Variants in PREX1 observed in about 807,000 individuals in gnomAD.
PREX1 encodes phosphatidylinositol-3,4,5-trisphosphate dependent Rac exchange factor 1, also known as phosphatidylinositol 3,4,5-trisphosphate-dependent Rac exchanger 1 protein.
In PREX1, 41 loss-of-function variants were observed where a neutral mutation model predicts 198.3. The observed-to-expected ratio is 0.21, with a 90% CI of 0.16 to 0.27. The LOEUF (loss-of-function observed/expected upper bound fraction) is 0.27, where lower values mean the gene tolerates loss of function less well. Ranked by LOEUF, PREX1 falls within the 10% of genes least tolerant of loss-of-function variation. The probability of loss-of-function intolerance (pLI) is 1.00; values close to 1 mark genes in which losing one functional copy is unlikely to be tolerated. For synonymous variants in PREX1, 843 were observed against 887.2 expected (o/e 0.95, Z 0.89); for missense variants, 1,620 against 2,200.7 (o/e 0.74, Z 5.28).
intron 3 of PREX1, among the ~76,000 whole-genome samples, chr20:48,743,324 C>T (rs1371694943): frequency 6.6e-6 from 1 of 152,206 alleles, no homozygotes; most frequent in African/African-American, 2.4e-5. Context: ...CCTATTCAAA[C>T]ACCTTTACTG....
chr20:48,732,918 C>T (rs966433188), intron 4 of PREX1, among the ~76,000 whole-genome samples: 4 of 152,180 alleles, frequency 2.6e-5, no homozygotes, highest in African/African-American at 9.7e-5. Context: ...CATCTGAGAC[C>T]AGGTCAATGA....
intron 7 of PREX1, among the ~76,000 whole-genome samples, chr20:48,699,340 AG>A (rs1568829949): frequency 6.6e-6 from 1 of 152,202 alleles, no homozygotes; most frequent in Non-Finnish European, 1.5e-5. Context: ...CCTAAGACAA[AG>A]TAACAGCAAA....
chr20:48,695,903 C>T (rs931875755), intron 7 of PREX1, among the ~76,000 whole-genome samples: 8 of 152,184 alleles, frequency 5.3e-5, no homozygotes, highest in African/African-American at 9.7e-5. Flanking sequence ...AGACTGTATA[C>T]AAACAAATGG....
rs1555829157 is a variant in PREX1, at chr20:48,634,168, A to ATGGATGGACAGACGGATGAT, written c.4267+507_4267+508insATCATCCGTCTGTCCATCCA. 3.3e-4 allele frequency among the ~76,000 whole-genome samples: 36 copies of ATGGATGGACAGACGGATGAT among 107,892 alleles called. 1 individual carries two copies. In the East Asian group the frequency reaches 5.7e-3, roughly 17 times the overall value. The allele number at this position is 107,892 out of a possible 152,430, so 70.8% of individuals were successfully genotyped here. On this transcript the variant is annotated intron_variant, in intron 33 of 39. Transcript: ENST00000371941. ...GGTGGATGGATGGATGGATGGATGG[A>ATGGATGGACAGACGGATGAT]TGGATGCATGGATGGATGGATGGAT... is the stretch of plus-strand genomic sequence containing the variant.
intron 27 of PREX1, 31 bp from the exon 28 acceptor site, chr20:48,642,520 T>G: frequency 1.3e-6 from 2 of 1,576,298 alleles, no homozygotes; most frequent in South Asian, 1.1e-5. Context: ...CAGCCATCAG[T>G]CATTCCTGCC....
chr20:48,856,003 G>T, the PREX1 span, among the ~76,000 whole-genome samples: 6 of 152,204 alleles, frequency 3.9e-5, no homozygotes, highest in Non-Finnish European at 7.3e-5. Flanking sequence ...GAGTGACGAG[G>T]GAGCGGCTGT....
rs200837869 is a variant in PREX1 at position 48,676,288 on chromosome 20, A to T, written c.1590-20T>A. 5.1e-5 allele frequency: 82 copies of T among 1,610,720 alleles called. No individual in the cohort carries two copies. Among genetic ancestry groups the T allele is most frequent in the Non-Finnish European group, 6.5e-5 (77 of 1,177,252 alleles). ...CGGTCTCTGTGGAGAAGGTGAGCGCACAGTGAGCAGGGCAGGGCGGGGAGG... is the reference window on the plus strand; with the variant it reads ...CGGTCTCTGTGGAGAAGGTGAGCGCTCAGTGAGCAGGGCAGGGCGGGGAGG... On this transcript the variant is annotated intron_variant, in intron 13 of 39. Transcript: ENST00000371941.
intron 1 of PREX1, among the ~76,000 whole-genome samples, chr20:48,818,965 C>G (rs1212335443): frequency 6.6e-6 from 1 of 152,122 alleles, no homozygotes; most frequent in African/African-American, 2.4e-5. Context: ...ACTTGGTAAC[C>G]CAGTACCCAC....
chr20:48,817,180 G>A (rs1367520331), intron 1 of PREX1, among the ~76,000 whole-genome samples: 1 of 152,154 alleles, frequency 6.6e-6, no homozygotes, highest in Non-Finnish European at 1.5e-5. Context: ...ACACCAATCT[G>A]TTTTTTCAAT....
intron 1 of PREX1, among the ~76,000 whole-genome samples, chr20:48,777,353 C>T (rs1023030092): frequency 2.0e-5 from 3 of 152,144 alleles, no homozygotes; most frequent in South Asian, 2.1e-4. Flanking sequence ...TGAAGGCTTT[C>T]GCTGGAATCC....
intron 5 of PREX1, among the ~76,000 whole-genome samples, chr20:48,722,227 G>A (rs2089989421): frequency 6.6e-6 from 1 of 152,198 alleles, no homozygotes; most frequent in African/African-American, 2.4e-5. Flanking sequence ...CAGCTAATGA[G>A]TGCATAAACA....
In PREX1 at chr20:48,629,440, G is replaced by A. The variant is rs370940873; in HGVS notation, c.4766+9C>T. On this transcript the variant is annotated intron_variant, in intron 37 of 39. Transcript: ENST00000371941. Reference sequence around the variant, plus strand: ...TCCCCACACCCCGACTCAGCGGGCAGCAGCTCACCTCTGCATGCCTGTGCC... The same window carrying A: ...TCCCCACACCCCGACTCAGCGGGCAACAGCTCACCTCTGCATGCCTGTGCC... The A allele has an allele frequency of 8.3e-5, 133 of 1,610,826 alleles. No individual in the cohort carries two copies. The highest frequency in any genetic ancestry group is 9.2e-5 in the Non-Finnish European group (108 of 1,178,020).
At chr20:48,816,434 T>C (rs2090459547) in intron 1 of PREX1, among the ~76,000 whole-genome samples, 1 of 152,144 alleles carries the variant, frequency 6.6e-6, no homozygotes, top group Non-Finnish European at 1.5e-5. Context: ...CGAAGGGATT[T>C]TGCAGATATA....
the PREX1 span, among the ~76,000 whole-genome samples, chr20:48,878,041 G>A: frequency 2.6e-5 from 4 of 151,942 alleles, no homozygotes; most frequent in South Asian, 2.1e-4. Context: ...CCCAGGAAGC[G>A]GAGGTTGCAG....
intron 1 of PREX1, among the ~76,000 whole-genome samples, chr20:48,758,365 G>C (rs1421055516): frequency 6.6e-6 from 1 of 152,224 alleles, no homozygotes; most frequent in Non-Finnish European, 1.5e-5. Context: ...ATCAGGCAGA[G>C]GAGCGCAGGT....
intron 1 of PREX1, among the ~76,000 whole-genome samples, chr20:48,806,172 T>C (rs2090410977): frequency 6.6e-6 from 1 of 152,222 alleles, no homozygotes; most frequent in African/African-American, 2.4e-5. Flanking sequence ...CATTGCCATA[T>C]GTCCCCTTTG....
chr20:48,696,606 C>CACAT (rs56182314), intron 7 of PREX1, among the ~76,000 whole-genome samples: 2,978 of 142,916 alleles, frequency 0.021, 28 homozygotes, highest in East Asian at 0.028. Context: ...TACACACACA[C>CACAT]ACATACATAC....
chr20:48,650,858 C>A, intron 23 of PREX1, 36 bp downstream of exon 23: 1 of 1,609,444 alleles, frequency 6.2e-7, no homozygotes, highest in Non-Finnish European at 8.5e-7. Flanking sequence ...ATGTCTGGGA[C>A]CTGTGGCAGA....
chr20:48,763,330 G>C (rs2090192444), intron 1 of PREX1, among the ~76,000 whole-genome samples: 1 of 152,234 alleles, frequency 6.6e-6, no homozygotes, highest in African/African-American at 2.4e-5. Context: ...AAGTGACGGA[G>C]ACAGTGGTGG....
Sources: allele counts gnomAD v4.1 joint callset (sites outside exome capture counted in the v4.1 genomes callset), GRCh38; gene constraint gnomAD v4.1.1; transcripts MANE v1.5; gene names NCBI Gene and HGNC (gene_info 2026-07-23, HGNC 2026-07-21).